Variants in SORCS2 observed in about 807,000 individuals in gnomAD.
SORCS2 encodes the protein sortilin related VPS10 domain containing receptor 2.
In SORCS2, 100 loss-of-function variants were observed where a neutral mutation model predicts 141.6. The ratio of observed to expected loss-of-function variants is 0.71; its 90% CI spans 0.60 to 0.83. The LOEUF (loss-of-function observed/expected upper bound fraction) is 0.83, where lower values mean the gene tolerates loss of function less well. Ranked by LOEUF, SORCS2 falls within the 40% of genes least tolerant of loss-of-function variation. The pLI is 0.00. For missense variants in SORCS2, 1,646 were observed against 1,560.2 expected (o/e 1.05, Z -0.93); for synonymous variants, 789 against 676.9 (o/e 1.17, Z -2.57).
intron 14 of SORCS2, among the ~76,000 whole-genome samples, chr4:7,707,463 G>T: frequency 6.6e-6 from 1 of 152,230 alleles, no homozygotes; most frequent in East Asian, 1.9e-4. Context: ...GGGAAGAAGT[G>T]GTGAGTGTGG....
chr4:7,634,661 A>G (rs543032690), intron 3 of SORCS2, among the ~76,000 whole-genome samples: 1 of 152,238 alleles, frequency 6.6e-6, no homozygotes, highest in East Asian at 1.9e-4. Flanking sequence ...GAGGGGGGTA[A>G]CTCCCACACC....
intron 1 of SORCS2, among the ~76,000 whole-genome samples, chr4:7,303,417 T>C (rs1398775813): frequency 6.6e-6 from 1 of 152,246 alleles, no homozygotes; most frequent in African/African-American, 2.4e-5. Flanking sequence ...TCATCCCTTT[T>C]TGCTGTTTCA....
intron 1 of SORCS2, among the ~76,000 whole-genome samples, chr4:7,322,971 C>T (rs1371752212): frequency 2.0e-5 from 3 of 151,810 alleles, no homozygotes; most frequent in South Asian, 4.2e-4. Flanking sequence ...CGGCCCTGCC[C>T]GTTTTTTATC....
At chr4:7,540,860 G>A (rs1418970053) in intron 3 of SORCS2, among the ~76,000 whole-genome samples, 1 of 152,218 alleles carries the variant, frequency 6.6e-6, no homozygotes, top group African/African-American at 2.4e-5. Context: ...ATGGGAGGAT[G>A]CCTGACTCAG....
At chr4:7,436,983 A>G (rs573594062) in intron 2 of SORCS2, among the ~76,000 whole-genome samples, 2 of 152,282 alleles carry the variant, frequency 1.3e-5, no homozygotes, top group Non-Finnish European at 2.9e-5. Context: ...CATTTGAGGA[A>G]TTCTGATTGC....
Position 7,740,399 on chromosome 4 carries a change from C to T in SORCS2, c.*135C>T. 5.2e-6 allele frequency: 4 copies of T among 771,624 alleles called. No homozygotes were observed. The highest frequency in any genetic ancestry group is 8.6e-6 in the Non-Finnish European group (4 of 466,778). 47.8% of individuals were successfully genotyped at this position (771,624 alleles called of 1,614,324 possible). ...CGTCGCCACACCAGGCGACAGGCAC[C>T]ACCCCCTCTGATAAATCCAAGCCCG... is the stretch of plus-strand genomic sequence containing the variant. On this transcript the variant is annotated 3_prime_UTR_variant, in exon 27 of 27. Transcript: ENST00000507866.
chr4:7,636,940 C>T (rs1414036497), intron 3 of SORCS2, among the ~76,000 whole-genome samples: 1 of 152,098 alleles, frequency 6.6e-6, no homozygotes, highest in Non-Finnish European at 1.5e-5. Context: ...CTGTGCCGCT[C>T]CCAGCTTCCT....
At chr4:7,716,685 G>GTCCATCCA (rs34499695) in intron 17 of SORCS2, among the ~76,000 whole-genome samples, 67,890 of 151,066 alleles carry the variant, frequency 0.45, 16,506 homozygotes, top group East Asian at 0.73. Context: ...TTCATTCACC[G>GTCCATCCA]TCCATCCATC....
chr4:7,364,446 T>G (rs1275311012), intron 1 of SORCS2, among the ~76,000 whole-genome samples: 1 of 152,186 alleles, frequency 6.6e-6, no homozygotes, highest in African/African-American at 2.4e-5. Flanking sequence ...AAATATGACT[T>G]GTCAGCAAGG....
At chr4:7,533,628 G>A (rs531930148) in intron 3 of SORCS2, among the ~76,000 whole-genome samples, 89 of 152,324 alleles carry the variant, frequency 5.8e-4, no homozygotes, top group Non-Finnish European at 1.1e-3. Context: ...TGCAGGCCAC[G>A]TCTGTGTTTG....
chr4:7,720,206 G>C (rs1008842332), intron 18 of SORCS2, among the ~76,000 whole-genome samples: 2 of 152,066 alleles, frequency 1.3e-5, no homozygotes, highest in Admixed American at 6.5e-5. Flanking sequence ...AATATCTTAA[G>C]AATTAAAAAT....
chr4:7,545,936 G>A (rs574390687), intron 3 of SORCS2, among the ~76,000 whole-genome samples: 1 of 152,200 alleles, frequency 6.6e-6, no homozygotes, highest in Non-Finnish European at 1.5e-5. Context: ...TCAGGTTCTG[G>A]TGAGGGCTGT....
At chr4:7,211,294 A>G (rs1223545401) in intron 1 of SORCS2, among the ~76,000 whole-genome samples, 3 of 152,088 alleles carry the variant, frequency 2.0e-5, no homozygotes, top group African/African-American at 7.2e-5. Flanking sequence ...AGGGATGGCA[A>G]GAAGAGCCAG....
At chr4:7,441,467 G>A (rs1158787624) in intron 2 of SORCS2, among the ~76,000 whole-genome samples, 1 of 152,064 alleles carries the variant, frequency 6.6e-6, no homozygotes, top group Non-Finnish European at 1.5e-5. Flanking sequence ...TACCTGAGCT[G>A]AGTGTGGGTG....
At chr4:7,724,898 G>GCAGTGATGGTGGTGGAGGTGA (rs1560115002) in intron 19 of SORCS2, among the ~76,000 whole-genome samples, 2 of 48,334 alleles carry the variant, frequency 4.1e-5, no homozygotes, top group East Asian at 7.9e-4. Flanking sequence ...GTTGGTGATG[G>GCAGTGATGGTGGTGGAGGTGA]TGGTGATAGT....
At chr4:7,654,973 G>A (rs1269559263) in intron 5 of SORCS2, among the ~76,000 whole-genome samples, 1 of 152,172 alleles carries the variant, frequency 6.6e-6, no homozygotes, top group East Asian at 1.9e-4. Context: ...GGGGCACTCG[G>A]CTTTCCTTGA....
In SORCS2 at chr4:7,723,636, C is replaced by T. The variant is rs1317057423; in HGVS notation, c.2425-61C>T. 7.0e-6 allele frequency: 11 copies of T among 1,565,568 alleles called. No individual in the cohort carries two copies. The East Asian group carries it at 1.1e-4, about 16-fold the overall frequency. On this transcript the variant is annotated intron_variant, in intron 18 of 26. Coordinates refer to ENST00000507866, the MANE Select transcript of SORCS2 (RefSeq NM_020777.3). ...GTGAGTGAGTGAGTGAGTGAATGAA[C>T]CACTCTGGCCCCTCAGCTTCAAGGC...
chr4:7,279,127 C>T (rs1192143454), intron 1 of SORCS2, among the ~76,000 whole-genome samples: 1 of 152,140 alleles, frequency 6.6e-6, no homozygotes, highest in African/African-American at 2.4e-5. Context: ...TGAGGGAGTT[C>T]TGGAAATACA....
chr4:7,535,046 A>G (rs2109558805), intron 3 of SORCS2, among the ~76,000 whole-genome samples: 1 of 152,280 alleles, frequency 6.6e-6, no homozygotes, highest in East Asian at 1.9e-4. Flanking sequence ...TCCTGCTGAC[A>G]CACCGATCCT....
Sources: gnomAD v4.1 joint callset for allele counts (sites outside exome capture counted in the v4.1 genomes callset) on GRCh38, gnomAD v4.1.1 for gene constraint, MANE v1.5 for transcripts, NCBI Gene and HGNC (gene_info 2026-07-23, HGNC 2026-07-21) for gene names.